The following GBF1 variants were observed in gnomAD, a reference collection of about 807,000 sequenced individuals.
GBF1 encodes Golgi-specific brefeldin A-resistance guanine nucleotide exchange factor 1.
A neutral mutation model predicts 210.5 loss-of-function variants in GBF1; 114 were observed. That is an observed-to-expected ratio of 0.54 (90% CI 0.47 to 0.63). The LOEUF is 0.63. Ranked by LOEUF, GBF1 falls within the 30% of genes least tolerant of loss-of-function variation. The pLI, the probability that GBF1 is intolerant of heterozygous loss-of-function variation, is 0.00. For missense variants in GBF1, 1,851 were observed against 2,357.7 expected, an observed-to-expected ratio of 0.79 and a Z score of 4.45; for synonymous variants, 850 against 889.2, an observed-to-expected ratio of 0.96 and a Z score of 0.78.
At chr10:102,337,369 CAAAA>C (rs376089186) in intron 3 of GBF1, among the ~76,000 whole-genome samples, 1 of 92,614 alleles carries the variant, frequency 1.1e-5, no homozygotes, top group African/African-American at 5.0e-5. Flanking sequence ...GACTCCGCCT[CAAAA>C]AAAAAAAAAA....
intron 1 of GBF1, among the ~76,000 whole-genome samples, chr10:102,252,720 G>C (rs1275717052): frequency 3.3e-5 from 5 of 151,964 alleles, no homozygotes; most frequent in African/African-American, 1.2e-4. Context: ...GGTGACTCAT[G>C]CCTGTAGTTC....
chr10:102,252,892 A>G, intron 1 of GBF1, among the ~76,000 whole-genome samples: 1 of 150,710 alleles, frequency 6.6e-6, no homozygotes, highest in Admixed American at 6.6e-5. Context: ...CTTTTATTTT[A>G]TTTTATTATT....
At chr10:102,356,869 G>A (rs1334452472) in intron 8 of GBF1, among the ~76,000 whole-genome samples, 1 of 152,070 alleles carries the variant, frequency 6.6e-6, no homozygotes, top group Non-Finnish European at 1.5e-5. Context: ...TAACAAACAG[G>A]TGATAGAGAT....
At position 102,366,521 on chromosome 10, in the gene GBF1, C is replaced by T. The variant is rs1217928621; in HGVS notation, c.2433+15C>T. On this transcript the variant is annotated intron_variant, in intron 19 of 39. Transcript: ENST00000369983. The surrounding 1 kb of genome is among the most constrained non-coding windows in gnomAD (Gnocchi z 4.0). ...AGCGTTGGATGGTGAGTTTGAGTGTCAGGGGCTGAGCCCAGGATCCAAGGT... is the reference window on the plus strand; with the variant it reads ...AGCGTTGGATGGTGAGTTTGAGTGTTAGGGGCTGAGCCCAGGATCCAAGGT... 2 of 1,610,464 alleles carry T rather than the reference C, an allele frequency of 1.2e-6. No individual in the cohort carries two copies. The highest frequency in any genetic ancestry group is 2.7e-5 in the African/African-American group (2 of 74,568).
In GBF1 at chr10:102,363,144, C is replaced by T. The variant is rs111811471; in HGVS notation, c.1877-112C>T. The T allele has an allele frequency of 6.9e-3, 6,488 of 941,932 alleles. 37 individuals are homozygous for T. Among genetic ancestry groups the T allele is most frequent in the Middle Eastern group, 0.019 (79 of 4,160 alleles). 58.3% of individuals were successfully genotyped at this position (941,932 alleles called of 1,614,324 possible). On this transcript the variant is annotated intron_variant, in intron 15 of 39. Transcript: ENST00000369983. The surrounding 1 kb of genome is among the most constrained non-coding windows in gnomAD (Gnocchi z 4.2). ...TTGGGTTTGTCCTGCTCAGGGCTGG[C>T]GCCCTGTGCAGGAACCATGCAGGTC...
At chr10:102,278,808 T>C (rs1316088983) in intron 3 of GBF1, among the ~76,000 whole-genome samples, 1 of 152,230 alleles carries the variant, frequency 6.6e-6, no homozygotes, top group African/African-American at 2.4e-5. Context: ...TATATACCAC[T>C]ACTGATATAG....
intron 3 of GBF1, among the ~76,000 whole-genome samples, chr10:102,321,236 C>T (rs1042905647): frequency 6.6e-6 from 1 of 152,194 alleles, no homozygotes; most frequent in African/African-American, 2.4e-5. Context: ...TCCCACTACA[C>T]AGGAAACTCC....
chr10:102,337,471 A>G (rs1193240241), intron 3 of GBF1, among the ~76,000 whole-genome samples: 1 of 152,112 alleles, frequency 6.6e-6, no homozygotes, highest in Non-Finnish European at 1.5e-5. Flanking sequence ...CTAGATAACC[A>G]TCTGAACATC....
chr10:102,301,936 C>T (rs1282538284), intron 3 of GBF1, among the ~76,000 whole-genome samples: 1 of 151,830 alleles, frequency 6.6e-6, no homozygotes, highest in African/African-American at 2.4e-5. Flanking sequence ...GAGGTTGTAG[C>T]GAGCCGAGAT....
rs2072995440 is a variant in GBF1, at chr10:102,260,084, G to A, written c.131G>A (p.Gly44Asp). Reference sequence around the variant, plus strand: ...CGGGATCCTCTGCTGCATAGTTTCGGTCATCTAAAGGAGGTTTTAAACAGT... The same window carrying A: ...CGGGATCCTCTGCTGCATAGTTTCGATCATCTAAAGGAGGTTTTAAACAGT... ...EERDPLLHSFGHLKEVLNSIT... is the reference protein window; with the variant it reads ...EERDPLLHSFDHLKEVLNSIT... Residue 44 changes from glycine (G) to aspartate (D), a missense_variant, in exon 3 of 40, where the codon GGT (glycine) becomes GAT (aspartate). Coordinates refer to ENST00000369983, the MANE Select transcript of GBF1 (RefSeq NM_001377137.1). The A allele has an allele frequency of 6.3e-7, 1 of 1,588,640 alleles. No homozygotes were observed. Among genetic ancestry groups the A allele is most frequent in the African/African-American group, 1.3e-5 (1 of 74,426 alleles).
At chr10:102,369,591 T>C (rs765488744) in intron 24 of GBF1, 120 bp from the exon 25 acceptor site, 9 of 978,796 alleles carry the variant, frequency 9.2e-6, no homozygotes, top group South Asian at 1.4e-5. Context: ...CAGTCACCAA[T>C]TGGCACAATA....
chr10:102,285,535 G>A (rs995218890), intron 3 of GBF1, among the ~76,000 whole-genome samples: 12 of 152,104 alleles, frequency 7.9e-5, no homozygotes, highest in African/African-American at 1.2e-4. Flanking sequence ...TTATTTTGAT[G>A]TCTTCTACAT....
chr10:102,274,003 C>T (rs2074676906), intron 3 of GBF1, among the ~76,000 whole-genome samples: 1 of 152,144 alleles, frequency 6.6e-6, no homozygotes, highest in Non-Finnish European at 1.5e-5. Flanking sequence ...CGAAAGACTC[C>T]AAAAGAGCAT....
At chr10:102,351,447 C>T (rs1025498634) in intron 5 of GBF1, 73 bp downstream of exon 5, 1 of 862,678 alleles carries the variant, frequency 1.2e-6, no homozygotes, top group Admixed American at 1.7e-5. Context: ...ACTCTGCCCA[C>T]AGCATGAAAC....
chr10:102,339,230 G>A (rs1223145733), intron 3 of GBF1, among the ~76,000 whole-genome samples: 2 of 152,144 alleles, frequency 1.3e-5, no homozygotes, highest in Admixed American at 6.5e-5. Flanking sequence ...AGACGAGGTG[G>A]TGTGTGCCTG....
upstream of GBF1, among the ~76,000 whole-genome samples, chr10:102,244,194 C>T (rs937790892): frequency 1.3e-5 from 2 of 152,166 alleles, no homozygotes; most frequent in African/African-American, 2.4e-5. Flanking sequence ...TCGTAGCACA[C>T]GGATGGTCTT....
chr10:102,362,395 A>T, intron 14 of GBF1, 80 bp from the exon 15 acceptor site: 1 of 1,044,150 alleles, frequency 9.6e-7, no homozygotes, highest in South Asian at 1.5e-5. Flanking sequence ...AGTTAGAAGA[A>T]GTTTTGGAAA....
At chr10:102,276,589 C>T (rs577589720) in intron 3 of GBF1, among the ~76,000 whole-genome samples, 1 of 150,966 alleles carries the variant, frequency 6.6e-6, no homozygotes, top group South Asian at 2.1e-4. Flanking sequence ...ATGAGTAGTG[C>T]TTGCCTTTGG....
rs780696375 is a variant in GBF1, at chr10:102,359,340, C to T, written c.1085C>T (p.Thr362Met). The T allele has an allele frequency of 1.4e-5, 22 of 1,610,264 alleles. No homozygotes were observed. The highest frequency in any genetic ancestry group is 1.7e-5 in the Non-Finnish European group (20 of 1,176,624). The change falls in exon 11 of 40, where the codon ACG (threonine) becomes ATG (methionine). Residue 362 changes from threonine to methionine, a missense_variant. Thr to Met is a moderately conservative substitution (Grantham distance 81). Transcript: ENST00000369983. Reference protein sequence around the residue: ...ESIPEVLEECTSPADHSDSAS... With the variant: ...ESIPEVLEECMSPADHSDSAS... ...ATCCCTGAAGTGTTAGAGGAGTGCA[C>T]GTCCCCTGCCGACCACTCTGACTCT... is the stretch of plus-strand genomic sequence containing the variant.
Sources: gnomAD v4.1 joint callset for allele counts (sites outside exome capture counted in the v4.1 genomes callset) on GRCh38, gnomAD v4.1.1 for gene constraint, Gnocchi (gnomAD v3.1) non-coding constraint, MANE v1.5 for transcripts, NCBI Gene and HGNC (gene_info 2026-07-23, HGNC 2026-07-21) for gene names.